The following CNTNAP3 variants were observed in gnomAD, a reference collection of about 807,000 sequenced individuals.
CNTNAP3 encodes the protein contactin-associated protein-like 3.
A neutral mutation model predicts 92.1 loss-of-function variants in CNTNAP3; 36 were observed. That is an observed-to-expected ratio of 0.39 (90% confidence interval 0.30 to 0.52). CNTNAP3 has a LOEUF of 0.52. Ranked by LOEUF, CNTNAP3 falls within the 20% of genes least tolerant of loss-of-function variation. CNTNAP3 has a pLI of 0.76. For synonymous variants in CNTNAP3, 232 were observed against 422.3 expected, an observed-to-expected ratio of 0.55 and a Z score of 5.53; for missense variants, 534 against 1,069.6, an observed-to-expected ratio of 0.50 and a Z score of 6.98.
chr9:39,076,117 T>C (rs1215893819), intron 23 of CNTNAP3, among the ~76,000 whole-genome samples: 1 of 152,308 alleles, frequency 6.6e-6, no homozygotes, highest in African/African-American at 2.4e-5. Context: ...ACTGCTAAGA[T>C]GTTTCCTTAC....
At chr9:39,081,768 G>A (rs936676071) in intron 21 of CNTNAP3, among the ~76,000 whole-genome samples, 2 of 151,756 alleles carry the variant, frequency 1.3e-5, no homozygotes, top group African/African-American at 4.8e-5. Context: ...GTAGACACTA[G>A]CCACATGTGA....
rs1457648455 is a variant in CNTNAP3, at chr9:39,103,637, T to C, written c.2536+107A>G. The C allele has an allele frequency of 7.0e-6, 9 of 1,284,352 alleles. No individual in the cohort carries two copies. The African/African-American group carries it at 1.2e-4, about 17-fold the overall frequency. The allele number at this position is 1,284,352 out of a possible 1,614,324, so 79.6% of individuals were successfully genotyped here. ...ATCATAGAAGTTTAGTATTTTATAA[T>C]GAAATAGAATCACAAAATAAGAATG... On this transcript the variant is annotated intron_variant, in intron 16 of 23. Transcript: ENST00000297668.
At position 39,064,809 on chromosome 9, in the gene CNTNAP3, A is replaced by G. The variant is rs1389718459; in HGVS notation, c.*9081T>C. 4.2e-3 allele frequency among the ~76,000 whole-genome samples: 616 copies of G among 146,008 alleles called. No homozygotes were observed. The highest frequency in any genetic ancestry group is 0.016 in the African/African-American group (578 of 35,688). On this transcript the variant is annotated 3_prime_UTR_variant, in exon 24 of 24. Coordinates refer to ENST00000297668, the MANE Select transcript of CNTNAP3 (RefSeq NM_033655.5). ...ATTTGTATTGTACTGTGAAAGATTT[A>G]TATGTATTTGTATAAAAAATAAATA...
chr9:39,130,319 T>C lies in CNTNAP3; in HGVS notation c.2080+2613A>G, dbSNP rs541787480. Among the ~76,000 whole-genome samples the C allele has an allele frequency of 1.0e-3, 157 of 151,790 alleles. 2 individuals are homozygous for C. The highest frequency in any genetic ancestry group is 3.6e-3 in the African/African-American group (148 of 41,382). ...CTAATCAGCAATGAAAAGGAACAAA[T>C]TACTGATATACACAATTATGCAAAT... On this transcript the variant is annotated intron_variant, in intron 13 of 23. Transcript: ENST00000297668.
chr9:39,144,391 C>G (rs1388669378), intron 10 of CNTNAP3, 45 bp from the exon 11 acceptor site: 9 of 1,502,460 alleles, frequency 6.0e-6, no homozygotes, highest in South Asian at 1.3e-5. Flanking sequence ...TTTCAATCAT[C>G]AAAAAATAAG....
intron 9 of CNTNAP3, among the ~76,000 whole-genome samples, chr9:39,152,790 G>C (rs1335524341): frequency 7.6e-6 from 1 of 131,292 alleles, no homozygotes; most frequent in Non-Finnish European, 1.6e-5. Flanking sequence ...CGAGTGGCTG[G>C]GACTACAGGC....
intron 15 of CNTNAP3, among the ~76,000 whole-genome samples, chr9:39,108,749 T>C (rs560137988): frequency 1.3e-5 from 2 of 152,250 alleles, no homozygotes; most frequent in East Asian, 3.9e-4. Flanking sequence ...CGGTGCCATG[T>C]AATGTAAAAC....
chr9:39,121,386 CA>C (rs1288723787), intron 13 of CNTNAP3, among the ~76,000 whole-genome samples: 1 of 151,932 alleles, frequency 6.6e-6, no homozygotes, highest in Non-Finnish European at 1.5e-5. Flanking sequence ...AAAAATGAGG[CA>C]AAAATTGAGA....
In CNTNAP3 at chr9:39,219,204, G is replaced by C. The variant is rs1822666817; in HGVS notation, c.390+19789C>G. On this transcript the variant is annotated intron_variant, in intron 3 of 23. Transcript: ENST00000297668. ...ACATCTTTTATCAGCATATATATTT[G>C]AATTTGTTAGTGAATACTATTTTTT... Among the ~76,000 whole-genome samples the C allele has an allele frequency of 8.5e-4, 2 of 2,352 alleles. 1 individual carries two copies. Among genetic ancestry groups the C allele is most frequent in the African/African-American group, 9.0e-4 (2 of 2,218 alleles). 1.5% of individuals were successfully genotyped at this position (2,352 alleles called of 152,430 possible).
At chr9:39,162,960 A>C (rs1248991953) in intron 9 of CNTNAP3, among the ~76,000 whole-genome samples, 1 of 82,304 alleles carries the variant, frequency 1.2e-5, no homozygotes, top group Non-Finnish European at 2.3e-5. Flanking sequence ...TATACCTCTG[A>C]ACCTAAAATA....
At chr9:39,085,052 A>T (rs1826034945) in intron 21 of CNTNAP3, 1 of 143,082 alleles carries the variant, frequency 7.0e-6, no homozygotes, top group Non-Finnish European at 1.5e-5. Context: ...ATTAAAGTAT[A>T]GTTCATTTTC....
chr9:39,119,521 A>C (rs1020092685), intron 13 of CNTNAP3, among the ~76,000 whole-genome samples: 1 of 152,304 alleles, frequency 6.6e-6, no homozygotes, highest in Non-Finnish European at 1.5e-5. Context: ...TTCACCATTA[A>C]ACTGTCGCAG....
chr9:39,105,492 T>A (rs1179791755), intron 15 of CNTNAP3, among the ~76,000 whole-genome samples: 2 of 152,202 alleles, frequency 1.3e-5, no homozygotes, highest in Non-Finnish European at 2.9e-5. Flanking sequence ...CTAATTTATT[T>A]GTGTATTTAT....
At position 39,077,559 on chromosome 9, in the gene CNTNAP3, AAAAC is replaced by A. The variant is rs200606454; in HGVS notation, c.3745+822_3745+825del. On this transcript the variant is annotated intron_variant, in intron 23 of 23. Coordinates refer to ENST00000297668, the MANE Select transcript of CNTNAP3 (RefSeq NM_033655.5). ...GCGACACAGCGAGACTCTGTCTCAA[AAAAC>A]AAACAAACAAACAAACAAACAAACA... 9.0e-3 allele frequency among the ~76,000 whole-genome samples: 1,332 copies of A among 147,614 alleles called. 21 individuals carry two copies. The highest frequency in any genetic ancestry group is 0.026 in the African/African-American group (1,054 of 39,876).
At chr9:39,178,788 GCTTCT>G (rs1203415648) in intron 4 of CNTNAP3, among the ~76,000 whole-genome samples, 5 of 128,926 alleles carry the variant, frequency 3.9e-5, no homozygotes, top group African/African-American at 1.4e-4. Flanking sequence ...AGTAGCTTTG[GCTTCT>G]CTTGATTCTT....
In CNTNAP3 at chr9:39,068,588, G is replaced by T. The variant is rs1420998027; in HGVS notation, c.*5302C>A. ...TTTCCCTTGCCTCAGGTAGTTTCAT[G>T]CACTTTGTTACACACTGAAGGGCGA... is the stretch of plus-strand genomic sequence containing the variant. On this transcript the variant is annotated 3_prime_UTR_variant, in exon 24 of 24. Transcript: ENST00000297668. Among the ~76,000 whole-genome samples, 1 of 152,306 alleles carries T rather than the reference G, an allele frequency of 6.6e-6. No homozygotes were observed. The highest frequency in any genetic ancestry group is 2.4e-5 in the African/African-American group (1 of 41,488).
intron 23 of CNTNAP3, among the ~76,000 whole-genome samples, chr9:39,077,575 C>CAAAT (rs1825813142): frequency 6.7e-6 from 1 of 150,102 alleles, no homozygotes; most frequent in Non-Finnish European, 1.5e-5. Flanking sequence ...AACAAACAAA[C>CAAAT]AAACAAACAA....
chr9:39,123,141 C>T (rs1170214514), intron 13 of CNTNAP3, among the ~76,000 whole-genome samples: 1 of 145,438 alleles, frequency 6.9e-6, no homozygotes, highest in African/African-American at 2.6e-5. Context: ...GTCGCCCAGG[C>T]TGGAGTGCAG....
intron 23 of CNTNAP3, among the ~76,000 whole-genome samples, chr9:39,077,349 G>A (rs1374951706): frequency 1.3e-5 from 2 of 151,800 alleles, no homozygotes; most frequent in African/African-American, 2.4e-5. Context: ...ACGAGGTCAG[G>A]AGATCGAGAC....
Sources: gnomAD v4.1 joint callset for allele counts (sites outside exome capture counted in the v4.1 genomes callset) on GRCh38, gnomAD v4.1.1 for gene constraint, MANE v1.5 for transcripts, NCBI Gene and HGNC (gene_info 2026-07-23, HGNC 2026-07-21) for gene names.